PDE1A: variants seen among roughly 807,000 people sequenced by gnomAD.
PDE1A encodes the protein phosphodiesterase 1A.
A neutral mutation model predicts 61.7 loss-of-function variants in PDE1A; 35 were observed. The observed-to-expected ratio is 0.57, with a 90% CI of 0.43 to 0.75. The LOEUF is 0.75. PDE1A is among the 30% of genes least tolerant of loss of function. PDE1A has a pLI of 0.00. For missense variants in PDE1A, 597 were observed against 630.6 expected (o/e 0.95, Z 0.57); for synonymous variants, 232 against 213.2 (o/e 1.09, Z -0.77).
At chr2:182,272,457 C>T (rs1693098144) in intron 1 of PDE1A, among the ~76,000 whole-genome samples, 1 of 152,146 alleles carries the variant, frequency 6.6e-6, no homozygotes, top group Non-Finnish European at 1.5e-5. Flanking sequence ...AACTCTCAAT[C>T]TAGTTTGAGG....
upstream of PDE1A, among the ~76,000 whole-genome samples, chr2:182,527,819 T>C (rs1375868313): frequency 6.6e-6 from 1 of 152,076 alleles, no homozygotes; most frequent in African/African-American, 2.4e-5. Context: ...GTTTTTGTTG[T>C]AGTGAATAAG....
chr2:182,713,272 T>C, the PDE1A span, among the ~76,000 whole-genome samples: 2 of 152,172 alleles, frequency 1.3e-5, no homozygotes, highest in African/African-American at 4.8e-5. Flanking sequence ...AATTGATGTG[T>C]CCTCTATTAT....
intron 2 of PDE1A, among the ~76,000 whole-genome samples, chr2:182,484,877 G>A (rs1018015612): frequency 7.2e-5 from 11 of 151,958 alleles, no homozygotes; most frequent in Non-Finnish European, 1.5e-4. Flanking sequence ...AGATGCTGGC[G>A]AGGTTGTGGA....
intron 2 of PDE1A, among the ~76,000 whole-genome samples, chr2:182,468,930 T>C (rs1686849226): frequency 1.3e-5 from 2 of 151,976 alleles, no homozygotes; most frequent in Non-Finnish European, 2.9e-5. Flanking sequence ...CTCTGAGCAG[T>C]AGGTCTTAAC....
At chr2:182,226,656 A>C (rs1689166151) in intron 6 of PDE1A, among the ~76,000 whole-genome samples, 1 of 149,770 alleles carries the variant, frequency 6.7e-6, no homozygotes, top group African/African-American at 2.5e-5. Context: ...ACGAGGTTAA[A>C]TCCTGTCACT....
At chr2:182,183,595 T>G (rs1296468341) in intron 13 of PDE1A, among the ~76,000 whole-genome samples, 1 of 152,032 alleles carries the variant, frequency 6.6e-6, no homozygotes, top group African/African-American at 2.4e-5. Context: ...GGGTCCAAGT[T>G]GGGGTAAAGG....
At chr2:182,502,455 A>C (rs62187727) in intron 2 of PDE1A, among the ~76,000 whole-genome samples, 14,339 of 152,094 alleles carry the variant, frequency 0.094, 955 homozygotes, top group Non-Finnish European at 0.14. Context: ...ACTTATACCA[A>C]CTTTCACTCC....
At chr2:182,376,700 T>C (rs1309431103) in intron 1 of PDE1A, among the ~76,000 whole-genome samples, 1 of 152,188 alleles carries the variant, frequency 6.6e-6, no homozygotes, top group Non-Finnish European at 1.5e-5. Context: ...ATTTACTGTA[T>C]TAGTCCATTT....
At chr2:182,205,074 A>G (rs1574683983) in intron 8 of PDE1A, among the ~76,000 whole-genome samples, 1 of 152,328 alleles carries the variant, frequency 6.6e-6, no homozygotes, top group Non-Finnish European at 1.5e-5. Flanking sequence ...TTAAAAAAAC[A>G]AAAATGAAAG....
intron 1 of PDE1A, among the ~76,000 whole-genome samples, chr2:182,344,060 C>A (rs370157903): frequency 1.3e-5 from 2 of 151,852 alleles, no homozygotes; most frequent in South Asian, 4.2e-4. Context: ...TTTGTAGATT[C>A]AAAGTCTCAT....
At chr2:182,342,155 T>G (rs1419391192) in intron 1 of PDE1A, among the ~76,000 whole-genome samples, 1 of 152,212 alleles carries the variant, frequency 6.6e-6, no homozygotes, top group Non-Finnish European at 1.5e-5. Context: ...ATTTTATAAC[T>G]ATTAAACAAT....
chr2:182,331,895 G>C (rs1697435489), intron 1 of PDE1A, among the ~76,000 whole-genome samples: 1 of 152,176 alleles, frequency 6.6e-6, no homozygotes, highest in Non-Finnish European at 1.5e-5. Flanking sequence ...ATGTTGGCCT[G>C]CCTTGCTAGG....
the PDE1A span, among the ~76,000 whole-genome samples, chr2:182,692,765 T>C: frequency 1.3e-5 from 2 of 151,260 alleles, no homozygotes; most frequent in East Asian, 3.9e-4. Flanking sequence ...GAAAACTTTT[T>C]ATGGTTATCT....
chr2:182,224,668 T>C (rs1203621545), intron 6 of PDE1A, among the ~76,000 whole-genome samples: 1 of 151,958 alleles, frequency 6.6e-6, no homozygotes, highest in Non-Finnish European at 1.5e-5. Context: ...CAATAGTTTT[T>C]TCATCACTCA....
chr2:182,284,084 A>G (rs1008123331), intron 1 of PDE1A, among the ~76,000 whole-genome samples: 12 of 152,084 alleles, frequency 7.9e-5, no homozygotes, highest in African/African-American at 2.9e-4. Flanking sequence ...TACCTGGCCT[A>G]TTGCAAGAAT....
chr2:182,162,397 G>T (rs1249296400), intron 13 of PDE1A, among the ~76,000 whole-genome samples: 2 of 152,102 alleles, frequency 1.3e-5, no homozygotes, highest in African/African-American at 4.8e-5. Flanking sequence ...TAAAATAGAT[G>T]GGAAGCTTAC....
At chr2:182,261,358 C>A (rs1447556431) in intron 2 of PDE1A, among the ~76,000 whole-genome samples, 1 of 152,116 alleles carries the variant, frequency 6.6e-6, no homozygotes, top group African/African-American at 2.4e-5. Flanking sequence ...TAATAATCAT[C>A]CTGCCAATCA....
the PDE1A span, among the ~76,000 whole-genome samples, chr2:182,534,001 A>G: frequency 6.6e-6 from 1 of 152,120 alleles, no homozygotes; most frequent in Non-Finnish European, 1.5e-5. Context: ...CTAAATATAA[A>G]ATACATATTA....
the PDE1A span, among the ~76,000 whole-genome samples, chr2:182,698,903 G>A: frequency 2.6e-5 from 4 of 152,100 alleles, no homozygotes; most frequent in South Asian, 2.1e-4. Flanking sequence ...AAATGCACTC[G>A]TGTGGGAGAA....
Sources: allele counts gnomAD v4.1 joint callset (sites outside exome capture counted in the v4.1 genomes callset), GRCh38; gene constraint gnomAD v4.1.1; transcripts MANE v1.5; gene names NCBI Gene and HGNC (gene_info 2026-07-23, HGNC 2026-07-21).